PHTF2: variants seen among roughly 807,000 people sequenced by gnomAD.
PHTF2 encodes putative homeodomain transcription factor 2, also known as protein PHTF2.
A neutral mutation model predicts 101.2 loss-of-function variants in PHTF2; 60 were observed. That is an observed-to-expected ratio of 0.59 (90% CI 0.48 to 0.73). The LOEUF (loss-of-function observed/expected upper bound fraction) is 0.73, where lower values mean the gene tolerates loss of function less well. Among genes scored for constraint, PHTF2 ranks in the 30% least tolerant of loss-of-function variants. The pLI is 0.00. For synonymous variants in PHTF2, 311 were observed against 307.3 expected (o/e 1.01, Z -0.13); for missense variants, 747 against 908.7 (o/e 0.82, Z 2.29).
chr7:77,900,534 A>C (rs2150828083), intron 5 of PHTF2, 177 bp from the exon 5 acceptor site: 1 of 563,596 alleles, frequency 1.8e-6, no homozygotes, highest in Middle Eastern at 4.9e-4. Context: ...TTTGAACAAT[A>C]ATAAAATTTA....
At chr7:77,948,309 C>T (rs1217143813) in intron 16 of PHTF2, among the ~76,000 whole-genome samples, 1 of 151,906 alleles carries the variant, frequency 6.6e-6, no homozygotes, top group Non-Finnish European at 1.5e-5. Flanking sequence ...AATATATGAT[C>T]AGATGGCATT....
intron 11 of PHTF2, among the ~76,000 whole-genome samples, chr7:77,928,822 C>T (rs1489869174): frequency 6.6e-6 from 1 of 152,210 alleles, no homozygotes; most frequent in Non-Finnish European, 1.5e-5. Context: ...ACTCTCTCTG[C>T]CTACCTGAGT....
intron 15 of PHTF2, 88 bp from the exon 15 acceptor site, chr7:77,942,612 A>G: frequency 1.5e-6 from 1 of 680,960 alleles, no homozygotes; most frequent in Non-Finnish European, 2.5e-6. Flanking sequence ...ATGAGTCAAC[A>G]CCTTTATTGA....
chr7:77,896,246 T>C (rs1295288703), intron 5 of PHTF2, among the ~76,000 whole-genome samples: 1 of 152,170 alleles, frequency 6.6e-6, no homozygotes, highest in Non-Finnish European at 1.5e-5. Context: ...GGGGTATCCA[T>C]CACATGAATA....
intron 7 of PHTF2, among the ~76,000 whole-genome samples, chr7:77,907,121 G>A (rs1321099932): frequency 2.0e-5 from 3 of 152,022 alleles, no homozygotes; most frequent in Non-Finnish European, 4.4e-5. Flanking sequence ...AAACATTAAA[G>A]AACTTGATAA....
chr7:77,864,928 C>T (rs1433126173), intron 3 of PHTF2, among the ~76,000 whole-genome samples: 2 of 152,072 alleles, frequency 1.3e-5, no homozygotes, highest in African/African-American at 4.8e-5. Context: ...ATGTTTCCAC[C>T]TGTTGGAGTT....
At chr7:77,811,494 A>G (rs1324133843) in intron 1 of PHTF2, among the ~76,000 whole-genome samples, 1 of 152,246 alleles carries the variant, frequency 6.6e-6, no homozygotes, top group African/African-American at 2.4e-5. Flanking sequence ...TCCATTATTA[A>G]GATGGGTGCC....
intron 16 of PHTF2, among the ~76,000 whole-genome samples, chr7:77,944,554 C>G (rs763821916): frequency 3.3e-5 from 5 of 152,180 alleles, no homozygotes; most frequent in South Asian, 2.1e-4. Flanking sequence ...GGATACCTGA[C>G]AGAAGCAAAA....
At chr7:77,941,256 T>C (rs1353393933) in intron 15 of PHTF2, among the ~76,000 whole-genome samples, 1 of 152,182 alleles carries the variant, frequency 6.6e-6, no homozygotes, top group Non-Finnish European at 1.5e-5. Flanking sequence ...GCCCTAATAA[T>C]AATAATGCCC....
chr7:77,892,529 T>C (rs948562899), intron 3 of PHTF2, among the ~76,000 whole-genome samples: 3 of 152,266 alleles, frequency 2.0e-5, no homozygotes, highest in African/African-American at 7.2e-5. Context: ...GGTCATTTTC[T>C]GTCTCTAGTC....
At chr7:77,906,057 G>A (rs1483907914) in intron 7 of PHTF2, among the ~76,000 whole-genome samples, 2 of 152,004 alleles carry the variant, frequency 1.3e-5, no homozygotes, top group Admixed American at 6.6e-5. Flanking sequence ...GCATGATCTC[G>A]GTTCACTGCA....
rs146369094 is a variant in PHTF2 at position 77,875,833 on chromosome 7, A to C, written c.148-17775A>C. On this transcript the variant is annotated intron_variant, in intron 3 of 19. Coordinates refer to ENST00000416283, the Ensembl canonical transcript of PHTF2. ...CAGTCTCCCAAAGTGCTGGGATTAC[A>C]GGCGTGAGAAACCGTGCTGGGCCAA... 5.4e-3 allele frequency among the ~76,000 whole-genome samples: 830 copies of C among 152,296 alleles called. 11 individuals carry two copies. The highest frequency in any genetic ancestry group is 0.019 in the African/African-American group (770 of 41,550).
chr7:77,938,732 A>C (rs911770867), intron 13 of PHTF2, among the ~76,000 whole-genome samples: 3 of 152,210 alleles, frequency 2.0e-5, no homozygotes, highest in African/African-American at 7.2e-5. Flanking sequence ...AGCCAAGATC[A>C]CGCCACTGCA....
chr7:77,946,236 A>T (rs1183930037), intron 16 of PHTF2, among the ~76,000 whole-genome samples: 3 of 152,246 alleles, frequency 2.0e-5, no homozygotes, highest in Admixed American at 6.5e-5. Context: ...AACAATTTGT[A>T]AATTTTCAGT....
intron 7 of PHTF2, 55 bp downstream of exon 6, chr7:77,901,975 AAT>A: frequency 8.9e-7 from 1 of 1,123,176 alleles, no homozygotes; most frequent in African/African-American, 1.6e-5. Flanking sequence ...TGTTAGGTTT[AAT>A]AAGTCTTTGT....
At chr7:77,856,895 C>T (rs1247711518) in intron 3 of PHTF2, among the ~76,000 whole-genome samples, 1 of 151,966 alleles carries the variant, frequency 6.6e-6, no homozygotes, top group African/African-American at 2.4e-5. Flanking sequence ...CACTAATCCC[C>T]CACAGATACT....
At chr7:77,871,123 A>C (rs1479531976) in intron 3 of PHTF2, among the ~76,000 whole-genome samples, 1 of 151,666 alleles carries the variant, frequency 6.6e-6, no homozygotes, top group East Asian at 1.9e-4. Flanking sequence ...TCAGCAAGTC[A>C]TGGTGTTTTC....
intron 7 of PHTF2, chr7:77,906,454 GCTC>G (rs1275405876): frequency 2.6e-5 from 4 of 152,072 alleles, no homozygotes; most frequent in Non-Finnish European, 5.9e-5. Context: ...GAAGAAAGTG[GCTC>G]CTCCTCCTTT....
chr7:77,854,276 C>G (rs766564071), intron 2 of PHTF2, among the ~76,000 whole-genome samples: 7 of 152,120 alleles, frequency 4.6e-5, no homozygotes, highest in Non-Finnish European at 8.8e-5. Context: ...GAGTCTCTTC[C>G]TTTCCTTTAG....
Sources: gnomAD v4.1 joint callset for allele counts (sites outside exome capture counted in the v4.1 genomes callset) on GRCh38, gnomAD v4.1.1 for gene constraint, MANE v1.5 for transcripts, NCBI Gene and HGNC (gene_info 2026-07-23, HGNC 2026-07-21) for gene names.